Variants in TMOD3 observed in about 807,000 individuals in gnomAD.
TMOD3 encodes the protein tropomodulin-3.
TMOD3 carries 20 observed loss-of-function variants against 39.2 expected under a neutral mutation model. The observed-to-expected ratio is 0.51, with a 90% CI of 0.36 to 0.74. The LOEUF is 0.74. Among genes scored for constraint, TMOD3 ranks in the 30% least tolerant of loss-of-function variants. The probability of loss-of-function intolerance (pLI) is 0.00; values close to 1 mark genes in which losing one functional copy is unlikely to be tolerated. For synonymous variants in TMOD3, 143 were observed against 145.8 expected (o/e 0.98, Z 0.14); for missense variants, 381 against 412.8 (o/e 0.92, Z 0.67).
chr15:51,888,999 A>G, intron 4 of TMOD3, 57 bp from the exon 5 acceptor site: 18 of 1,117,218 alleles, frequency 1.6e-5, no homozygotes, highest in Non-Finnish European at 2.2e-5. Context: ...AGAAATTTTT[A>G]GTTGTAAAAC....
rs766525386 is a variant in TMOD3 at position 51,889,046 on chromosome 15, GTATT to G, written c.407-6_407-3del. 10 of 1,542,948 alleles carry G rather than the reference GTATT, an allele frequency of 6.5e-6. No homozygotes were observed. The highest frequency in any genetic ancestry group is 7.9e-6 in the Non-Finnish European group (9 of 1,141,568). ...AAAACAATAAAAACTTTCTTTTTCT[GTATT>G]TATAGCAATTCTTGGGATGCACAAT... On this transcript the variant is annotated splice_region_variant and splice_polypyrimidine_tract_variant and intron_variant, in intron 4 of 9. Transcript: ENST00000308580.
intron 3 of TMOD3, among the ~76,000 whole-genome samples, chr15:51,886,686 G>A (rs1011465320): frequency 6.6e-6 from 1 of 151,540 alleles, no homozygotes. Context: ...GGGAGACCTT[G>A]GGAGAGAGAG....
rs760541135 is a variant in TMOD3 at position 51,869,202 on chromosome 15, C to G, written c.127-15C>G. The G allele has an allele frequency of 6.8e-6, 11 of 1,610,034 alleles. No individual in the cohort carries two copies. In the African/African-American group the frequency reaches 9.4e-5, roughly 14 times the overall value. The stretch of plus-strand genomic sequence containing the variant: ...TTCTTATTGGTCATATTGGCTGATT[C>G]ATTCTCTCTGGCAGAATGCCCTTCT... On this transcript the variant is annotated splice_polypyrimidine_tract_variant and intron_variant, in intron 2 of 9. Transcript: ENST00000308580.
chr15:51,895,541 G>A (rs945834320), intron 6 of TMOD3, among the ~76,000 whole-genome samples: 1 of 151,588 alleles, frequency 6.6e-6, no homozygotes, highest in Non-Finnish European at 1.5e-5. Context: ...TTTTTAATTT[G>A]GTCCCTGTGT....
At chr15:51,871,580 C>T (rs2141690729) in intron 3 of TMOD3, among the ~76,000 whole-genome samples, 1 of 152,224 alleles carries the variant, frequency 6.6e-6, no homozygotes, top group Admixed American at 6.5e-5. Flanking sequence ...CCAGGCTAAC[C>T]CCGGAAGCTT....
intron 3 of TMOD3, among the ~76,000 whole-genome samples, chr15:51,881,732 T>G (rs2056535790): frequency 6.7e-6 from 1 of 149,854 alleles, no homozygotes; most frequent in Non-Finnish European, 1.5e-5. Context: ...CAGCTAATTT[T>G]TTTGTATTTC....
intron 3 of TMOD3, chr15:51,884,415 A>T (rs1441869484): frequency 6.6e-6 from 1 of 152,204 alleles, no homozygotes; most frequent in Non-Finnish European, 1.5e-5. Context: ...ACTTTATTTG[A>T]TTTCAGTTTG....
intron 1 of TMOD3, chr15:51,860,371 C>T: frequency 3.7e-6 from 2 of 543,372 alleles, no homozygotes; most frequent in Non-Finnish European, 7.4e-6. Context: ...TTCTCCACAT[C>T]CATGTTGGCT....
At chr15:51,889,812 T>A (rs976137742) in intron 5 of TMOD3, among the ~76,000 whole-genome samples, 1 of 152,174 alleles carries the variant, frequency 6.6e-6, no homozygotes, top group African/African-American at 2.4e-5. Flanking sequence ...TGCAGTGAGC[T>A]GTGATCACAC....
At chr15:51,865,903 AAT>A (rs375086801) in intron 2 of TMOD3, among the ~76,000 whole-genome samples, 1 of 151,684 alleles carries the variant, frequency 6.6e-6, no homozygotes. Context: ...CCAAAAAAAA[AAT>A]ATATATATAT....
At chr15:51,884,274 C>A (rs1352896268) in intron 3 of TMOD3, among the ~76,000 whole-genome samples, 2 of 152,200 alleles carry the variant, frequency 1.3e-5, no homozygotes, top group East Asian at 3.8e-4. Flanking sequence ...CTGTTGTGTT[C>A]TAGGCAAGGA....
At chr15:51,863,959 T>C (rs997717190) in intron 2 of TMOD3, among the ~76,000 whole-genome samples, 1 of 152,120 alleles carries the variant, frequency 6.6e-6, no homozygotes, top group Non-Finnish European at 1.5e-5. Context: ...TTAGACCTAT[T>C]TGAATCAAAT....
chr15:51,873,560 T>C (rs909985202), intron 3 of TMOD3, among the ~76,000 whole-genome samples: 1 of 152,236 alleles, frequency 6.6e-6, no homozygotes, highest in African/African-American at 2.4e-5. Flanking sequence ...CAGGGTGCAG[T>C]ACCTAATGGC....
chr15:51,848,635 C>A (rs2056347068), intron 1 of TMOD3, among the ~76,000 whole-genome samples: 1 of 152,208 alleles, frequency 6.6e-6, no homozygotes, highest in Non-Finnish European at 1.5e-5. Context: ...GGCTAGTGAA[C>A]CGTATCTACT....
intron 3 of TMOD3, among the ~76,000 whole-genome samples, chr15:51,881,554 T>TC (rs1344705668): frequency 2.7e-4 from 34 of 128,100 alleles, no homozygotes; most frequent in African/African-American, 3.6e-4. Context: ...TTATTTCTTT[T>TC]TTTTTTTTTT....
chr15:51,861,033 A>T, intron 1 of TMOD3: 1 of 714,862 alleles, frequency 1.4e-6, no homozygotes, highest in Non-Finnish European at 2.3e-6. Context: ...CTGGTGTACA[A>T]TAGAATTCTC....
At chr15:51,862,309 G>C (rs755247791) in intron 1 of TMOD3, among the ~76,000 whole-genome samples, 5 of 152,000 alleles carry the variant, frequency 3.3e-5, no homozygotes, top group Non-Finnish European at 4.4e-5. Context: ...ATTTTCAAAT[G>C]CATCTTTTCA....
chr15:51,857,504 G>A (rs1050523271), intron 1 of TMOD3, among the ~76,000 whole-genome samples: 2 of 152,086 alleles, frequency 1.3e-5, no homozygotes, highest in Admixed American at 6.6e-5. Flanking sequence ...GAACCTGGGT[G>A]GCATATAGCA....
At chr15:51,899,275 AAAG>A (rs2056636974) in intron 7 of TMOD3, 1 of 152,292 alleles carries the variant, frequency 6.6e-6, no homozygotes, top group African/African-American at 2.4e-5. Flanking sequence ...GAGACAGAAG[AAAG>A]AAGCATGAAG....
Sources: gnomAD v4.1 joint callset for allele counts (sites outside exome capture counted in the v4.1 genomes callset) on GRCh38, gnomAD v4.1.1 for gene constraint, MANE v1.5 for transcripts, NCBI Gene and HGNC (gene_info 2026-07-23, HGNC 2026-07-21) for gene names.